GDA: variants seen among roughly 807,000 people sequenced by gnomAD.
GDA encodes guanine deaminase.
In GDA, 18 loss-of-function variants were observed where a neutral mutation model predicts 59.6. The ratio of observed to expected loss-of-function variants is 0.30; its 90% confidence interval spans 0.21 to 0.45. The LOEUF (loss-of-function observed/expected upper bound fraction) is 0.45. GDA is among the 20% of genes least tolerant of loss of function. GDA has a pLI of 1.00. For synonymous variants in GDA, 201 were observed against 201.1 expected (o/e 1.00, Z 0.00); for missense variants, 427 against 552.3 (o/e 0.77, Z 2.27).
intron 1 of GDA, among the ~76,000 whole-genome samples, chr9:72,142,289 A>G (rs953031930): frequency 2.6e-5 from 4 of 152,136 alleles, no homozygotes; most frequent in African/African-American, 9.7e-5. Context: ...TGTAAGTAGC[A>G]GGAATAAGGA....
Position 72,149,692 on chromosome 9 carries a change from C to G in GDA, c.123+10C>G. The G allele has an allele frequency of 6.3e-7, 1 of 1,593,758 alleles. No individual in the cohort carries two copies. Among genetic ancestry groups the G allele is most frequent in the Non-Finnish European group, 8.5e-7 (1 of 1,171,866 alleles). ...GAGCGACAGCGGCAAAGTAAGCAGG[C>G]GCGGGGTCGAGCGCACTCCGACGGG... On this transcript the variant is annotated intron_variant, in intron 1 of 13. Transcript: ENST00000358399.
At chr9:72,229,264 T>C (rs1458145062) in intron 9 of GDA, 1 of 150,048 alleles carries the variant, frequency 6.7e-6, no homozygotes, top group Non-Finnish European at 1.4e-5. Context: ...GGCAGGAGAA[T>C]GGCATGAACC....
intron 1 of GDA, among the ~76,000 whole-genome samples, chr9:72,178,250 A>G (rs563550551): frequency 2.6e-5 from 4 of 152,198 alleles, no homozygotes; most frequent in East Asian, 1.9e-4. Flanking sequence ...ACTTTATTCA[A>G]TTACTCACAG....
chr9:72,222,322 CT>C (rs550582667), intron 6 of GDA, among the ~76,000 whole-genome samples: 438 of 152,078 alleles, frequency 2.9e-3, no homozygotes, highest in Non-Finnish European at 5.4e-3. Flanking sequence ...TGATGTTGAG[CT>C]TTTTTTTCAT....
chr9:72,183,205 T>C (rs1831462122), intron 1 of GDA, among the ~76,000 whole-genome samples: 1 of 152,166 alleles, frequency 6.6e-6, no homozygotes, highest in Non-Finnish European at 1.5e-5. Flanking sequence ...AGTATGTGTG[T>C]GCATGTAATG....
chr9:72,172,304 C>T (rs1359298595), intron 1 of GDA, among the ~76,000 whole-genome samples: 1 of 151,550 alleles, frequency 6.6e-6, no homozygotes, highest in Non-Finnish European at 1.5e-5. Flanking sequence ...ATAGAAATAA[C>T]AAAAAGTAAC....
intron 1 of GDA, among the ~76,000 whole-genome samples, chr9:72,129,642 A>G (rs1277232189): frequency 6.6e-6 from 1 of 152,216 alleles, no homozygotes; most frequent in East Asian, 1.9e-4. Context: ...CAGTATTGCC[A>G]GGGTCCCAGG....
At chr9:72,155,002 C>G (rs142741559) in intron 1 of GDA, among the ~76,000 whole-genome samples, 237 of 152,296 alleles carry the variant, frequency 1.6e-3, no homozygotes, top group African/African-American at 5.3e-3. Context: ...CATGACCTAT[C>G]AGAACTTGAA....
At chr9:72,212,540 A>C (rs1166870735) in intron 4 of GDA, among the ~76,000 whole-genome samples, 1 of 151,998 alleles carries the variant, frequency 6.6e-6, no homozygotes, top group African/African-American at 2.4e-5. Flanking sequence ...CTGACACCTT[A>C]TATATATTAT....
upstream of GDA, among the ~76,000 whole-genome samples, chr9:72,145,755 CTA>C (rs1055863174): frequency 6.6e-6 from 1 of 152,136 alleles, no homozygotes; most frequent in African/African-American, 2.4e-5. Context: ...AAATTTTTCT[CTA>C]TGTCTGAACA....
chr9:72,219,594 G>C lies in GDA; in HGVS notation c.606+88G>C, dbSNP rs1836598299. On this transcript the variant is annotated intron_variant, in intron 6 of 13. Transcript: ENST00000358399. ...AGTTGCTTGATAGTGATTAGTCTGT[G>C]TACGACTGGCTTATCTCATGCATGT... 4.4e-6 allele frequency: 4 copies of C among 903,812 alleles called. No homozygotes were observed. In the South Asian group the frequency reaches 6.1e-5, roughly 14 times the overall value. The allele number at this position is 903,812 out of a possible 1,614,324, so 56.0% of individuals were successfully genotyped here. A position where few individuals can be genotyped will look rare whatever the true frequency, so the allele number is the denominator to read the frequency against.
chr9:72,149,221 T>A, upstream of GDA: 1 of 309,482 alleles, frequency 3.2e-6, no homozygotes, highest in Non-Finnish European at 6.0e-6. Context: ...TCATAGAAGG[T>A]GGAGGAAGCT....
chr9:72,250,004 C>T lies in GDA; in HGVS notation c.*1662C>T. On this transcript the variant is annotated 3_prime_UTR_variant, in exon 14 of 14. Transcript: ENST00000358399. The stretch of plus-strand genomic sequence containing the variant: ...AAGTTAGTTTTATTTTTTTAATAAA[C>T]AACAGAGTTTGTTTTGTGAGATAAG... 2 of 955,146 alleles carry T rather than the reference C, an allele frequency of 2.1e-6. No homozygotes were observed. The highest frequency in any genetic ancestry group is 2.5e-6 in the Non-Finnish European group (2 of 802,496). 59.2% of individuals were successfully genotyped at this position (955,146 alleles called of 1,614,324 possible). A position where few individuals can be genotyped will look rare whatever the true frequency, so the allele number is the denominator to read the frequency against.
At chr9:72,248,048 T>A (rs1840334312) in intron 13 of GDA, among the ~76,000 whole-genome samples, 1 of 152,190 alleles carries the variant, frequency 6.6e-6, no homozygotes, top group Non-Finnish European at 1.5e-5. Context: ...ATGTGATTTC[T>A]GCCTCTGGTG....
chr9:72,207,524 G>A (rs1319083819), intron 3 of GDA, among the ~76,000 whole-genome samples: 1 of 152,024 alleles, frequency 6.6e-6, no homozygotes, highest in Non-Finnish European at 1.5e-5. Context: ...TGCTTCCTCA[G>A]GTGTTCATTC....
chr9:72,215,545 T>C (rs1835999553), intron 5 of GDA, among the ~76,000 whole-genome samples: 1 of 152,174 alleles, frequency 6.6e-6, no homozygotes, highest in South Asian at 2.1e-4. Context: ...AGAACATCTC[T>C]GCAAGCTGAA....
At chr9:72,219,411 A>C in intron 5 of GDA, 68 bp from the exon 6 acceptor site, 1 of 1,185,518 alleles carries the variant, frequency 8.4e-7, no homozygotes, top group Non-Finnish European at 1.2e-6. Context: ...TGAAGAAAAA[A>C]ATAATAATAA....
chr9:72,144,457 A>C (rs1826550045), upstream of GDA, among the ~76,000 whole-genome samples: 1 of 152,258 alleles, frequency 6.6e-6, no homozygotes, highest in Non-Finnish European at 1.5e-5. Flanking sequence ...TAGAGGTGGC[A>C]GAGAGAAAAT....
At chr9:72,168,072 G>T (rs1373595019) in intron 1 of GDA, among the ~76,000 whole-genome samples, 1 of 152,116 alleles carries the variant, frequency 6.6e-6, no homozygotes, top group African/African-American at 2.4e-5. Context: ...TTGAGGAATG[G>T]CTAAATAAGG....
Sources: allele counts gnomAD v4.1 joint callset (sites outside exome capture counted in the v4.1 genomes callset), GRCh38; gene constraint gnomAD v4.1.1; transcripts MANE v1.5; gene names NCBI Gene and HGNC (gene_info 2026-07-23, HGNC 2026-07-21).